GIN1: variants seen among roughly 807,000 people sequenced by gnomAD.
GIN1 encodes gypsy retrotransposon integrase 1.
GIN1 carries 41 observed loss-of-function variants against 51.4 expected under a neutral mutation model. The observed-to-expected ratio is 0.80, with a 90% CI of 0.62 to 1.04. The LOEUF is 1.04. GIN1 is among the 50% of genes least tolerant of loss of function. The probability of loss-of-function intolerance (pLI) is 0.00; values close to 1 mark genes in which losing one functional copy is unlikely to be tolerated. For synonymous variants in GIN1, 222 were observed against 206.5 expected (o/e 1.07, Z -0.64); for missense variants, 610 against 612.4 (o/e 1.00, Z 0.04).
intron 7 of GIN1, among the ~76,000 whole-genome samples, chr5:103,089,485 C>A (rs1464681817): frequency 6.6e-6 from 1 of 152,072 alleles, no homozygotes; most frequent in Non-Finnish European, 1.5e-5. Context: ...CATTCATGGT[C>A]TTGCTCTGTC....
intron 7 of GIN1, among the ~76,000 whole-genome samples, chr5:103,096,203 C>T (rs2151464858): frequency 6.6e-6 from 1 of 152,126 alleles, no homozygotes; most frequent in South Asian, 2.1e-4. Flanking sequence ...ATTAGCTGGG[C>T]ATGGTGGTAT....
intron 6 of GIN1, 117 bp from the exon 7 acceptor site, chr5:103,096,943 G>A (rs1254454568): frequency 1.5e-6 from 1 of 658,928 alleles, no homozygotes; most frequent in Admixed American, 2.9e-5. Context: ...CTAAAAGGTA[G>A]GTATGAATTC....
intron 4 of GIN1, among the ~76,000 whole-genome samples, 187 bp from the exon 5 acceptor site, chr5:103,097,968 T>C (rs1014419902): frequency 3.9e-5 from 6 of 152,144 alleles, no homozygotes; most frequent in African/African-American, 1.4e-4. Flanking sequence ...CTGCAACCTC[T>C]GCCTCCCAGG....
At position 103,097,671 on chromosome 5, in the gene GIN1, G is replaced by C. The variant is rs182720575; in HGVS notation, c.750C>G (p.Leu250=). The C allele has an allele frequency of 1.2e-5, 19 of 1,608,912 alleles. No individual in the cohort carries two copies. The African/African-American group carries it at 1.2e-4, about 10-fold the overall frequency. The change falls in exon 5 of 8, where the codon CTC becomes CTG. Residue 250 remains leucine, a synonymous_variant. Coordinates refer to ENST00000399004, the MANE Select transcript of GIN1 (RefSeq NM_017676.2). ...ESTPNTIKAF[L]SKHCADHPNN... is the part of the protein sequence containing the mutation. ...TTGGGTGGTCAGCACAGTGTTTGGAGAGAAATGCTTTGATTGTGTTAGGTG... is the reference window on the plus strand; with the variant it reads ...TTGGGTGGTCAGCACAGTGTTTGGACAGAAATGCTTTGATTGTGTTAGGTG...
intron 4 of GIN1, among the ~76,000 whole-genome samples, chr5:103,100,560 T>TA (rs772930986): frequency 2.0e-5 from 3 of 150,942 alleles, no homozygotes; most frequent in East Asian, 1.9e-4. Context: ...TCCAGTTAAT[T>TA]AAAAATTTTT....
At chr5:103,104,485 G>A in intron 4 of GIN1, 56 bp downstream of exon 4, 2 of 824,902 alleles carry the variant, frequency 2.4e-6, no homozygotes, top group Admixed American at 4.7e-5. Context: ...CACTGGTTCT[G>A]GACACTGAAA....
At chr5:103,110,020 T>C (rs1583131320) in intron 1 of GIN1, among the ~76,000 whole-genome samples, 1 of 152,074 alleles carries the variant, frequency 6.6e-6, no homozygotes, top group Admixed American at 6.6e-5. Flanking sequence ...GTTGGACAAT[T>C]AGATAACTGT....
At position 103,087,398 on chromosome 5, in the gene GIN1, T is replaced by C. The variant is rs1263390273; in HGVS notation, c.*500A>G. 2 of 152,316 alleles carry C rather than the reference T, an allele frequency of 1.3e-5. No homozygotes were observed. The highest frequency in any genetic ancestry group is 4.8e-5 in the African/African-American group (2 of 41,478). 9.4% of individuals were successfully genotyped at this position (152,316 alleles called of 1,614,324 possible). ...AGATAATTTGAAATTACCAATATTC[T>C]GTGAAAGCCTATTAAATAACCCTAT... is the stretch of plus-strand genomic sequence containing the variant. On this transcript the variant is annotated 3_prime_UTR_variant, in exon 8 of 8. Transcript: ENST00000399004.
intron 7 of GIN1, among the ~76,000 whole-genome samples, chr5:103,096,013 T>C (rs1787380372): frequency 2.0e-5 from 3 of 152,008 alleles, no homozygotes; most frequent in Non-Finnish European, 4.4e-5. Context: ...AAGTTCAGTA[T>C]CTCCCACATA....
At chr5:103,111,244 AATG>A (rs1787874289) in intron 1 of GIN1, among the ~76,000 whole-genome samples, 1 of 152,088 alleles carries the variant, frequency 6.6e-6, no homozygotes, top group Non-Finnish European at 1.5e-5. Context: ...TCTATACTAC[AATG>A]ATAACACATT....
At position 103,097,433 on chromosome 5, in the gene GIN1, CAGGCATATA is replaced by C; in HGVS notation, c.880_888del (p.Tyr294_Pro296del). ...ACTTCATGAAGACTATCTGAAGTCT[CAGGCATATA>C]AGGATTTCGACTAAACATTTGAAAA... On this transcript the variant is annotated inframe_deletion, in exon 6 of 8. Transcript: ENST00000399004. 6.3e-7 allele frequency: 1 copy of C among 1,578,620 alleles called. No homozygotes were observed. The highest frequency in any genetic ancestry group is 8.7e-7 in the Non-Finnish European group (1 of 1,148,510).
At chr5:103,100,783 G>C (rs1209456807) in intron 4 of GIN1, among the ~76,000 whole-genome samples, 1 of 152,018 alleles carries the variant, frequency 6.6e-6, no homozygotes, top group African/African-American at 2.4e-5. Context: ...TAATCATAAT[G>C]GCTTCATATT....
chr5:103,106,976 A>T, intron 2 of GIN1, 67 bp from the exon 3 acceptor site: 1 of 790,446 alleles, frequency 1.3e-6, no homozygotes, highest in Non-Finnish European at 2.0e-6. Context: ...TAAGAGAATC[A>T]TAGCCTTCTC....
chr5:103,087,489 T>C lies in GIN1; in HGVS notation c.*409A>G, dbSNP rs1554194008. The C allele has an allele frequency of 6.5e-6, 1 of 153,140 alleles. No homozygotes were observed. The highest frequency in any genetic ancestry group is 2.4e-5 in the African/African-American group (1 of 41,510). 9.5% of individuals were successfully genotyped at this position (153,140 alleles called of 1,614,324 possible). The stretch of plus-strand genomic sequence containing the variant: ...CAGAAAGAAGCTTCATTTCATTCAT[T>C]GTTACAGTTGATTCAGTATTTATCA... On this transcript the variant is annotated 3_prime_UTR_variant, in exon 8 of 8. Coordinates refer to ENST00000399004, the MANE Select transcript of GIN1 (RefSeq NM_017676.2).
At chr5:103,108,008 A>G (rs1008495835) in intron 2 of GIN1, among the ~76,000 whole-genome samples, 11 of 152,066 alleles carry the variant, frequency 7.2e-5, no homozygotes, top group Admixed American at 4.6e-4. Context: ...GGGGAAAAAG[A>G]GGCAAAAATT....
At chr5:103,089,617 T>C (rs1295719875) in intron 7 of GIN1, among the ~76,000 whole-genome samples, 1 of 152,104 alleles carries the variant, frequency 6.6e-6, no homozygotes, top group Non-Finnish European at 1.5e-5. Context: ...TCACTATGCC[T>C]GGCTAATTGT....
intron 4 of GIN1, among the ~76,000 whole-genome samples, chr5:103,098,709 T>C (rs919395386): frequency 2.0e-5 from 3 of 152,132 alleles, no homozygotes; most frequent in Admixed American, 1.3e-4. Context: ...TCCATGCACC[T>C]CAGTCTTTCA....
At chr5:103,106,257 T>C (rs1386562016) in intron 3 of GIN1, among the ~76,000 whole-genome samples, 10 of 152,172 alleles carry the variant, frequency 6.6e-5, no homozygotes, top group Admixed American at 2.6e-4. Context: ...TGATTTTGGT[T>C]ATATTTGGTT....
chr5:103,088,143 C>T lies in GIN1; in HGVS notation c.1324G>A (p.Val442Met). 1 of 1,585,910 alleles carries T rather than the reference C, an allele frequency of 6.3e-7. No individual in the cohort carries two copies. Among genetic ancestry groups the T allele is most frequent in the Non-Finnish European group, 8.6e-7 (1 of 1,165,414 alleles). Residue 442 changes from valine to methionine, a missense_variant, in exon 8 of 8, where the codon GTG becomes ATG. Val to Met is a conservative substitution (Grantham distance 21). Coordinates refer to ENST00000399004, the MANE Select transcript of GIN1 (RefSeq NM_017676.2). ...ESLYLLQGSVVADHDYIGLPE... is the reference protein window; with the variant it reads ...ESLYLLQGSVMADHDYIGLPE... ...AATCCAATGTAGTCATGATCTGCCA[C>T]TACTGAACCTTGCAAGAGATAAAGA...
Sources: allele counts gnomAD v4.1 joint callset (sites outside exome capture counted in the v4.1 genomes callset), GRCh38; gene constraint gnomAD v4.1.1; transcripts MANE v1.5; gene names NCBI Gene and HGNC (gene_info 2026-07-23, HGNC 2026-07-21).